SLC24A3: variants seen among roughly 807,000 people sequenced by gnomAD.
The protein encoded by SLC24A3 is sodium/potassium/calcium exchanger 3.
SLC24A3 carries 28 observed loss-of-function variants against 75.8 expected under a neutral mutation model. The observed-to-expected ratio is 0.37, with a 90% CI of 0.27 to 0.51. The LOEUF is 0.51. Ranked by LOEUF, SLC24A3 falls within the 20% of genes least tolerant of loss-of-function variation. SLC24A3 has a pLI of 0.94. For synonymous variants in SLC24A3, 372 were observed against 334.1 expected (o/e 1.11, Z -1.24); for missense variants, 663 against 847.8 (o/e 0.78, Z 2.71).
At chr20:19,457,217 T>C (rs6081601) in intron 2 of SLC24A3, among the ~76,000 whole-genome samples, 65,017 of 152,092 alleles carry the variant, frequency 0.43, 16,934 homozygotes, top group Non-Finnish European at 0.58. Flanking sequence ...CCAGTCTTTC[T>C]AGTTGTGGTG....
intron 1 of SLC24A3, among the ~76,000 whole-genome samples, chr20:19,280,464 A>G (rs1021317190): frequency 5.9e-5 from 9 of 152,100 alleles, no homozygotes; most frequent in Non-Finnish European, 1.0e-4. Flanking sequence ...GGCTGGAGCC[A>G]GCTCTTATTG....
chr20:19,351,458 T>C (rs960578251), intron 2 of SLC24A3, among the ~76,000 whole-genome samples: 1 of 152,204 alleles, frequency 6.6e-6, no homozygotes, highest in Non-Finnish European at 1.5e-5. Flanking sequence ...CCTCCCCAGC[T>C]TCTCCTTCCC....
At chr20:19,649,880 G>A (rs1406968) in intron 6 of SLC24A3, among the ~76,000 whole-genome samples, 98,080 of 152,002 alleles carry the variant, frequency 0.65, 32,543 homozygotes, top group African/African-American at 0.77. Context: ...ATCAAGATCA[G>A]GTTTCTGGGA....
At chr20:19,538,017 T>TA (rs550642758) in intron 3 of SLC24A3, among the ~76,000 whole-genome samples, 37 of 151,546 alleles carry the variant, frequency 2.4e-4, no homozygotes, top group Admixed American at 7.2e-4. Context: ...CCCTAAAACT[T>TA]AAAGTATAAT....
chr20:19,701,591 G>A (rs947181009), intron 15 of SLC24A3, among the ~76,000 whole-genome samples: 9 of 152,106 alleles, frequency 5.9e-5, no homozygotes, highest in African/African-American at 9.7e-5. Flanking sequence ...TCAGTCATAC[G>A]TGACAAGGAT....
chr20:19,586,109 G>T (rs893679472), intron 6 of SLC24A3, among the ~76,000 whole-genome samples: 1 of 152,106 alleles, frequency 6.6e-6, no homozygotes, highest in African/African-American at 2.4e-5. Context: ...CCACTTCCAG[G>T]TGGTGTCCTG....
At chr20:19,329,208 A>C (rs903861627) in intron 2 of SLC24A3, among the ~76,000 whole-genome samples, 1 of 152,208 alleles carries the variant, frequency 6.6e-6, no homozygotes, top group Admixed American at 6.5e-5. Flanking sequence ...ATAGTAGTTC[A>C]TAGGGAAAAT....
chr20:19,620,326 TG>T (rs941211379), intron 6 of SLC24A3, among the ~76,000 whole-genome samples: 1 of 152,138 alleles, frequency 6.6e-6, no homozygotes, highest in African/African-American at 2.4e-5. Flanking sequence ...CAATCTTTTT[TG>T]GGGGGGAAAG....
chr20:19,320,008 A>G (rs1984670979), intron 2 of SLC24A3, among the ~76,000 whole-genome samples: 1 of 152,160 alleles, frequency 6.6e-6, no homozygotes, highest in Non-Finnish European at 1.5e-5. Context: ...TCTACTTCTC[A>G]GCAGCTGCAG....
chr20:19,499,251 A>G (rs1018262940), intron 2 of SLC24A3, among the ~76,000 whole-genome samples: 1 of 152,232 alleles, frequency 6.6e-6, no homozygotes, highest in African/African-American at 2.4e-5. Context: ...CATATGTACT[A>G]TCTTAGTTCT....
rs188426812 is a variant in SLC24A3 at position 19,263,825 on chromosome 20, C to T, written c.143-17134C>T. Among the ~76,000 whole-genome samples the T allele has an allele frequency of 7.0e-4, 107 of 152,310 alleles. 1 individual carries two copies. Among genetic ancestry groups the T allele is most frequent in the African/African-American group, 1.9e-3 (78 of 41,554 alleles). On this transcript the variant is annotated intron_variant, in intron 1 of 16. Transcript: ENST00000328041. Reference sequence around the variant, plus strand: ...AGAATAAAGTGGCTTTGTGTTTAAACGAAAGCTTCACTGCCTATCCTCCCC... The same window carrying T: ...AGAATAAAGTGGCTTTGTGTTTAAATGAAAGCTTCACTGCCTATCCTCCCC...
chr20:19,248,887 G>T (rs1470166397), intron 1 of SLC24A3, among the ~76,000 whole-genome samples: 2 of 150,618 alleles, frequency 1.3e-5, no homozygotes, highest in Admixed American at 1.3e-4. Context: ...AATTAGCCAG[G>T]CACAGAAAGA....
At position 19,515,473 on chromosome 20, in the gene SLC24A3, T is replaced by G; in HGVS notation, c.272-15T>G. The G allele has an allele frequency of 6.2e-7, 1 of 1,614,068 alleles. No homozygotes were observed. On this transcript the variant is annotated splice_polypyrimidine_tract_variant and intron_variant, in intron 2 of 16. Transcript: ENST00000328041. The stretch of plus-strand genomic sequence containing the variant: ...GTCACCTGTGCTGAGACGGTTTTCT[T>G]TCTCTGTTCTTTAGCCCTGCATGAA...
chr20:19,677,039 A>C (rs1424468144), intron 9 of SLC24A3, among the ~76,000 whole-genome samples: 4 of 152,250 alleles, frequency 2.6e-5, no homozygotes, highest in African/African-American at 9.6e-5. Context: ...TTAAGCTGTC[A>C]AGCTAAGTTA....
At chr20:19,528,588 C>T (rs1018834398) in intron 3 of SLC24A3, among the ~76,000 whole-genome samples, 2 of 152,126 alleles carry the variant, frequency 1.3e-5, no homozygotes, top group African/African-American at 4.8e-5. Context: ...ATGATGAATC[C>T]TGAGAATACT....
At chr20:19,490,288 T>A (rs57031413) in intron 2 of SLC24A3, among the ~76,000 whole-genome samples, 12,504 of 152,214 alleles carry the variant, frequency 0.082, 1,614 homozygotes, top group African/African-American at 0.27. Context: ...TGGCTCCTGG[T>A]TTATTTTCCC....
At chr20:19,354,588 A>ATGTG (rs569362767) in intron 2 of SLC24A3, among the ~76,000 whole-genome samples, 1,421 of 136,334 alleles carry the variant, frequency 0.01, 14 homozygotes, top group Non-Finnish European at 0.012. Flanking sequence ...AAATTTGTGT[A>ATGTG]TGTGTGTGTG....
At chr20:19,530,865 C>G (rs1600268411) in intron 3 of SLC24A3, among the ~76,000 whole-genome samples, 1 of 152,114 alleles carries the variant, frequency 6.6e-6, no homozygotes. Flanking sequence ...ACCCACCTGT[C>G]CAGAGTAAAC....
intron 2 of SLC24A3, among the ~76,000 whole-genome samples, chr20:19,340,539 C>T (rs1317942500): frequency 1.3e-5 from 2 of 152,302 alleles, no homozygotes; most frequent in South Asian, 2.1e-4. Context: ...TGATAAAAGG[C>T]GTGGATCTTC....
Sources: gnomAD v4.1 joint callset for allele counts (sites outside exome capture counted in the v4.1 genomes callset) on GRCh38, gnomAD v4.1.1 for gene constraint, MANE v1.5 for transcripts, NCBI Gene and HGNC (gene_info 2026-07-23, HGNC 2026-07-21) for gene names.